Variants in RYR3 observed in about 807,000 individuals in gnomAD.
The protein encoded by RYR3 is ryanodine receptor 3, also known as brain ryanodine receptor-calcium release channel.
RYR3 carries 207 observed loss-of-function variants against 584.3 expected under a neutral mutation model. The ratio of observed to expected loss-of-function variants is 0.35; its 90% CI spans 0.32 to 0.40. RYR3 has a LOEUF of 0.40. Among genes scored for constraint, RYR3 ranks in the 10% least tolerant of loss-of-function variants. The probability of loss-of-function intolerance (pLI) is 1.00; values close to 1 mark genes in which losing one functional copy is unlikely to be tolerated. For missense variants in RYR3, 5,616 were observed against 6,089.2 expected, an observed-to-expected ratio of 0.92 and a Z score of 2.59; for synonymous variants, 2,416 against 2,248.5, an observed-to-expected ratio of 1.07 and a Z score of -2.11.
At chr15:33,635,903 A>ATC in intron 26 of RYR3, 84 bp downstream of exon 26, 1 of 1,204,166 alleles carries the variant, frequency 8.3e-7, no homozygotes, top group Non-Finnish European at 1.2e-6. Flanking sequence ...AAATTACTGG[A>ATC]TCTCTGGCTT....
intron 9 of RYR3, among the ~76,000 whole-genome samples, chr15:33,548,441 C>A (rs1012657406): frequency 2.0e-5 from 3 of 152,202 alleles, no homozygotes; most frequent in Admixed American, 1.3e-4. Context: ...CAGTAGCTGA[C>A]TATAAAAGGA....
intron 27 of RYR3, among the ~76,000 whole-genome samples, chr15:33,643,217 G>A (rs1232318216): frequency 1.3e-5 from 2 of 152,118 alleles, no homozygotes; most frequent in East Asian, 3.9e-4. Context: ...TCCAGCCCCT[G>A]CCTCATCCAG....
chr15:33,444,851 C>T (rs949119479), intron 1 of RYR3, among the ~76,000 whole-genome samples: 2 of 151,596 alleles, frequency 1.3e-5, no homozygotes, highest in African/African-American at 2.4e-5. Flanking sequence ...CACATGTATA[C>T]ATATGTAACT....
chr15:33,738,664 T>C (rs4780171), intron 50 of RYR3, 74 bp downstream of exon 50: 694,678 of 1,538,332 alleles, frequency 0.45, 163,411 homozygotes, highest in Admixed American at 0.56. Flanking sequence ...ACAGCCGTCA[T>C]CTGTTTAGCA....
intron 80 of RYR3, among the ~76,000 whole-genome samples, chr15:33,822,786 C>T (rs1366420163): frequency 2.6e-5 from 4 of 152,220 alleles, no homozygotes; most frequent in Admixed American, 2.6e-4. Flanking sequence ...GAAGGGACTT[C>T]AATCAGTAGG....
chr15:33,854,110 C>T (rs1020176534), intron 96 of RYR3, among the ~76,000 whole-genome samples: 3 of 151,290 alleles, frequency 2.0e-5, no homozygotes, highest in Non-Finnish European at 2.9e-5. Flanking sequence ...GCAGGAGAAC[C>T]GCTTGAACCT....
In RYR3 at chr15:33,572,175, GT is replaced by G. The variant is rs1163524961; in HGVS notation, c.1268+5382del. 5.3e-5 allele frequency among the ~76,000 whole-genome samples: 8 copies of G among 152,140 alleles called. No homozygotes were observed. In the East Asian group the frequency reaches 1.4e-3, roughly 26 times the overall value. ...AGTTTTATAATTATTTTATGAAGTT[GT>G]TTTTTGAATAAATTACAGGAACATA... is the stretch of plus-strand genomic sequence containing the variant. On this transcript the variant is annotated intron_variant, in intron 12 of 103. Transcript: ENST00000634891.
At chr15:33,467,845 GTATT>G (rs535802194) in intron 1 of RYR3, among the ~76,000 whole-genome samples, 1 of 152,148 alleles carries the variant, frequency 6.6e-6, no homozygotes, top group African/African-American at 2.4e-5. Context: ...AAATCTTGTT[GTATT>G]TATTTATTTA....
At chr15:33,751,348 C>T (rs769533246) in intron 57 of RYR3, among the ~76,000 whole-genome samples, 21 of 152,212 alleles carry the variant, frequency 1.4e-4, no homozygotes, top group Non-Finnish European at 2.8e-4. Flanking sequence ...TACGCTCCCA[C>T]CAACAGTGTA....
In RYR3 at chr15:33,469,361, T is replaced by C. The variant is rs560263141; in HGVS notation, c.52-4058T>C. Among the ~76,000 whole-genome samples the C allele has an allele frequency of 3.3e-5, 5 of 152,218 alleles. No homozygotes were observed. In the East Asian group the frequency reaches 9.7e-4, roughly 29 times the overall value. On this transcript the variant is annotated intron_variant, in intron 1 of 103. Coordinates refer to ENST00000634891, the MANE Select transcript of RYR3 (RefSeq NM_001036.6). ...CTCAGATACTAGTTCAGGAAGTTTATGTTTTTTGAGAGTGCCATTGAGGAT... is the reference window on the plus strand; with the variant it reads ...CTCAGATACTAGTTCAGGAAGTTTACGTTTTTTGAGAGTGCCATTGAGGAT...
chr15:33,589,865 C>A (rs2059039595), intron 16 of RYR3, among the ~76,000 whole-genome samples: 2 of 152,138 alleles, frequency 1.3e-5, no homozygotes, highest in Admixed American at 6.5e-5. Context: ...CTTACTATAG[C>A]CTTGTAGTAT....
intron 38 of RYR3, among the ~76,000 whole-genome samples, chr15:33,693,241 T>G (rs1455373204): frequency 6.6e-6 from 1 of 152,222 alleles, no homozygotes; most frequent in Admixed American, 6.5e-5. Context: ...GTCGCCTCTG[T>G]GATGCTGCAT....
intron 57 of RYR3, 86 bp downstream of exon 57, chr15:33,750,372 AAGG>A: frequency 1.5e-6 from 2 of 1,355,246 alleles, no homozygotes; most frequent in Non-Finnish European, 2.0e-6. Flanking sequence ...CCATCCAAGT[AAGG>A]AGAACAATTG....
At position 33,818,704 on chromosome 15, in the gene RYR3, C is replaced by G; in HGVS notation, c.10706+20C>G. The G allele has an allele frequency of 1.9e-6, 3 of 1,566,840 alleles. No individual in the cohort carries two copies. Among genetic ancestry groups the G allele is most frequent in the Non-Finnish European group, 2.6e-6 (3 of 1,138,412 alleles). On this transcript the variant is annotated intron_variant, in intron 76 of 103. Transcript: ENST00000634891. ...GAGGAGGTCAGAACCACCAGCTCAC[C>G]TGCTTCTCCCAGGCACCAGGGATAC...
At chr15:33,710,619 A>G (rs1430986952) in intron 43 of RYR3, among the ~76,000 whole-genome samples, 1 of 152,092 alleles carries the variant, frequency 6.6e-6, no homozygotes, top group East Asian at 1.9e-4. Context: ...TAGTAGAGGT[A>G]TTCTGTGAGG....
At chr15:33,655,692 C>T (rs548784531) in intron 32 of RYR3, among the ~76,000 whole-genome samples, 6 of 152,236 alleles carry the variant, frequency 3.9e-5, no homozygotes, top group South Asian at 2.1e-4. Context: ...AGAATGCTGC[C>T]GCAAAGGAGA....
At position 33,730,860 on chromosome 15, in the gene RYR3, A is replaced by G. The variant is rs373945127; in HGVS notation, c.7204-614A>G. On this transcript the variant is annotated intron_variant, in intron 47 of 103. Coordinates refer to ENST00000634891, the MANE Select transcript of RYR3 (RefSeq NM_001036.6). ...TTTCTGTTCCTTTTCCACGTTGCCC[A>G]TGCAGAGTCAGGTTCCCTTTAGTGG... 4.6e-5 allele frequency among the ~76,000 whole-genome samples: 7 copies of G among 152,372 alleles called. No homozygotes were observed. In the South Asian group the frequency reaches 1.0e-3, roughly 23 times the overall value.
At position 33,311,283 on chromosome 15, in the gene RYR3, G is replaced by T. The variant is rs1160894298; in HGVS notation, c.51+187G>T. 6.6e-6 allele frequency among the ~76,000 whole-genome samples: 1 copy of T among 152,152 alleles called. No homozygotes were observed. Among genetic ancestry groups the T allele is most frequent in the African/African-American group, 2.4e-5 (1 of 41,456 alleles). On this transcript the variant is annotated intron_variant, in intron 1 of 103. Transcript: ENST00000634891. This position sits in a 1 kb window ranked among gnomAD's most constrained non-coding sequence, Gnocchi z 4.4. ...GGCCGCGAGGGGCTGCGTGGGAAGG[G>T]GCACCATCTCCTGCCTCTCCCTTGT...
chr15:33,625,191 C>T lies in RYR3; in HGVS notation c.2574+1168C>T, dbSNP rs114868421. 1.4e-3 allele frequency among the ~76,000 whole-genome samples: 220 copies of T among 152,238 alleles called. 1 individual carries two copies. The highest frequency in any genetic ancestry group is 4.6e-3 in the African/African-American group (191 of 41,544). On this transcript the variant is annotated intron_variant, in intron 20 of 103. Transcript: ENST00000634891. Reference sequence around the variant, plus strand: ...GAGAGAGCGAATGGGAAGTGCCACACTTTTAAGCCATCAGATCTTATGAGA... The same window carrying T: ...GAGAGAGCGAATGGGAAGTGCCACATTTTTAAGCCATCAGATCTTATGAGA...
Sources: gnomAD v4.1 joint callset for allele counts (sites outside exome capture counted in the v4.1 genomes callset) on GRCh38, gnomAD v4.1.1 for gene constraint, Gnocchi (gnomAD v3.1) non-coding constraint, MANE v1.5 for transcripts, NCBI Gene and HGNC (gene_info 2026-07-23, HGNC 2026-07-21) for gene names.